Variants in MIDEAS observed in about 807,000 individuals in gnomAD.
MIDEAS encodes mitotic deacetylase-associated SANT domain protein.
In MIDEAS, 26 loss-of-function variants were observed where a neutral mutation model predicts 102.7. The ratio of observed to expected loss-of-function variants is 0.25; its 90% CI spans 0.19 to 0.35. MIDEAS has a LOEUF of 0.35. Ranked by LOEUF, MIDEAS falls within the 10% of genes least tolerant of loss-of-function variation. The probability of loss-of-function intolerance (pLI) is 1.00; values close to 1 mark genes in which losing one functional copy is unlikely to be tolerated. For missense variants in MIDEAS, 1,231 were observed against 1,435.6 expected (o/e 0.86, Z 2.30); for synonymous variants, 585 against 591.0 (o/e 0.99, Z 0.15).
At chr14:73,731,675 G>C (rs117541548) in intron 3 of MIDEAS, among the ~76,000 whole-genome samples, 234 of 152,304 alleles carry the variant, frequency 1.5e-3, no homozygotes, top group Non-Finnish European at 2.8e-3. Context: ...GAGTCCTGAC[G>C]TATTTCAGAT....
At chr14:73,756,852 G>A (rs902310733) in intron 1 of MIDEAS, among the ~76,000 whole-genome samples, 9 of 152,144 alleles carry the variant, frequency 5.9e-5, no homozygotes, top group African/African-American at 1.9e-4. Context: ...AATCACCCAC[G>A]GTGGACTGAC....
At position 73,742,249 on chromosome 14, in the gene MIDEAS, G is replaced by A. The variant is rs897220323; in HGVS notation, c.-247-1994C>T. ...GGGGCTGCGAGCCCCTCCAGTGGGC[G>A]CTCACACACACTCACGCCTCCCTTC... On this transcript the variant is annotated intron_variant, in intron 1 of 12. Transcript: ENST00000423556. The surrounding 1 kb of genome is among the most constrained non-coding windows in gnomAD (Gnocchi z 4.4). Among the ~76,000 whole-genome samples the A allele has an allele frequency of 9.2e-5, 14 of 152,246 alleles. No homozygotes were observed. The East Asian group carries it at 1.7e-3, about 19-fold the overall frequency.
At chr14:73,755,870 C>T (rs2053473491) in intron 1 of MIDEAS, among the ~76,000 whole-genome samples, 1 of 152,206 alleles carries the variant, frequency 6.6e-6, no homozygotes, top group Non-Finnish European at 1.5e-5. Flanking sequence ...CCAGTGGGAA[C>T]TGGTGAAATG....
Position 73,722,830 on chromosome 14 carries a change from C to T in MIDEAS, c.2592G>A (p.Val864=). 6.2e-7 allele frequency: 1 copy of T among 1,614,140 alleles called. No individual in the cohort carries two copies. Among genetic ancestry groups the T allele is most frequent in the South Asian group, 1.1e-5 (1 of 91,084 alleles). The change falls in exon 10 of 13, where the codon GTG becomes GTA. Residue 864 remains valine, a synonymous_variant. Transcript: ENST00000423556. The part of the protein sequence containing the change: ...LVQKLIQTKT[V]AQCVEFYYTY... ...TGTAGTAGAACTCCACGCACTGGGC[C>T]ACGGTCTTGGTCTGGATCTGGTTTG...
chr14:73,739,245 TGTG>T lies in MIDEAS; in HGVS notation c.761_763del (p.Pro254del), dbSNP rs770576106. ...TGCCTGCTGCTGCTGCTGCTGCTGC[TGTG>T]GTTGCTGCTGCTGCTGCTGCTTCTG... On this transcript the variant is annotated inframe_deletion, in exon 2 of 13. Coordinates refer to ENST00000423556, the MANE Select transcript of MIDEAS (RefSeq NM_001367710.1). 1.9e-5 allele frequency: 30 copies of T among 1,611,622 alleles called. No individual in the cohort carries two copies. Among genetic ancestry groups the T allele is most frequent in the South Asian group, 9.9e-5 (9 of 90,976 alleles).
chr14:73,775,561 G>T (rs538316938), intron 1 of MIDEAS, among the ~76,000 whole-genome samples: 1 of 152,036 alleles, frequency 6.6e-6, no homozygotes, highest in Admixed American at 6.6e-5. Flanking sequence ...ATCAGGAATC[G>T]CTTCCAGTCC....
intron 1 of MIDEAS, among the ~76,000 whole-genome samples, chr14:73,749,595 T>C (rs895356436): frequency 6.8e-6 from 1 of 147,740 alleles, no homozygotes; most frequent in Admixed American, 6.8e-5. Flanking sequence ...ATATATAAAA[T>C]ATATATATGT....
chr14:73,775,140 G>T (rs1163318128), intron 1 of MIDEAS, among the ~76,000 whole-genome samples: 1 of 151,980 alleles, frequency 6.6e-6, no homozygotes, highest in East Asian at 1.9e-4. Context: ...CATATAACAA[G>T]GCGAGAGAAG....
At chr14:73,750,230 C>T (rs1320367171) in intron 1 of MIDEAS, among the ~76,000 whole-genome samples, 3 of 152,120 alleles carry the variant, frequency 2.0e-5, no homozygotes, top group African/African-American at 7.2e-5. Flanking sequence ...TGTTACAGAG[C>T]CAGAAGCAAG....
intron 1 of MIDEAS, among the ~76,000 whole-genome samples, chr14:73,769,708 TC>T (rs2053624728): frequency 6.6e-6 from 1 of 152,006 alleles, no homozygotes; most frequent in African/African-American, 2.4e-5. Flanking sequence ...TTCAAGCAAT[TC>T]TTCTGCCTCA....
intron 1 of MIDEAS, among the ~76,000 whole-genome samples, chr14:73,740,914 G>A (rs1350746266): frequency 1.3e-5 from 2 of 152,268 alleles, no homozygotes; most frequent in East Asian, 3.8e-4. Flanking sequence ...GGCTCACCAA[G>A]GCCTGCAGGT....
Position 73,725,945 on chromosome 14 carries a change from G to A in MIDEAS, c.2485+88C>T. 8.5e-7 allele frequency: 1 copy of A among 1,176,824 alleles called. No individual in the cohort carries two copies. Among genetic ancestry groups the A allele is most frequent in the Non-Finnish European group, 1.2e-6 (1 of 808,586 alleles). The allele number at this position is 1,176,824 out of a possible 1,614,324, so 72.9% of individuals were successfully genotyped here. A position where few individuals can be genotyped will look rare whatever the true frequency, so the allele number is the denominator to read the frequency against. On this transcript the variant is annotated intron_variant, in intron 8 of 12. Transcript: ENST00000423556. The surrounding 1 kb of genome is among the most constrained non-coding windows in gnomAD (Gnocchi z 4.1). ...ACCCTCCTCCTCCCGCCCCCACCCA[G>A]GGCTGTGACTCAGCACTGAGCAGGG...
exon 1 of MIDEAS, chr14:73,787,131 G>GGGGTGCGGGGCGCAGGC (rs2053820596): frequency 1.3e-5 from 2 of 149,606 alleles, no homozygotes; most frequent in East Asian, 3.9e-4. Flanking sequence ...GCTGCTCGGA[G>GGGGTGCGGGGCGCAGGC]GGGTGCGGGG....
Position 73,718,859 on chromosome 14 carries a change from G to A in MIDEAS, c.3284C>T (p.Ala1095Val). 7 of 1,496,754 alleles carry A rather than the reference G, an allele frequency of 4.7e-6. No individual in the cohort carries two copies. Among genetic ancestry groups the A allele is most frequent in the Non-Finnish European group, 5.3e-6 (6 of 1,130,220 alleles). The allele number at this position is 1,496,754 out of a possible 1,614,324, so 92.7% of individuals were successfully genotyped here. ...HQQALREESGAGDKG is the reference protein window; with the variant it reads ...HQQALREESGVGDKG ...CTCCCGCGCTCAGCCCTTGTCGCCC[G>A]CACCGCTCTCCTCCCGCAGGGCCTG... Residue 1095 changes from alanine (A) to valine (V), a missense_variant, in exon 13 of 13, where the codon GCG becomes GTG. Transcript: ENST00000423556.
chr14:73,787,106 G>C (rs1260647599), exon 1 of MIDEAS: 1 of 149,882 alleles, frequency 6.7e-6, no homozygotes, highest in Non-Finnish European at 1.5e-5. Flanking sequence ...GCTTACCTGC[G>C]TGCTGGATCC....
upstream of MIDEAS, among the ~76,000 whole-genome samples, chr14:73,762,501 G>A (rs2053562336): frequency 6.6e-6 from 1 of 152,218 alleles, no homozygotes; most frequent in Non-Finnish European, 1.5e-5. Flanking sequence ...CATGTGTGCA[G>A]GGGAGGAGGG....
Position 73,777,067 on chromosome 14 carries a change from CA to C in MIDEAS, c.-248+10034del, listed in dbSNP as rs35173697. Among the ~76,000 whole-genome samples the C allele has an allele frequency of 4.6e-5, 7 of 150,722 alleles. 1 individual carries two copies. The South Asian group carries it at 1.5e-3, about 32-fold the overall frequency. The stretch of plus-strand genomic sequence containing the variant: ...CCTGGGCAACAGAGCAAGACTGTCT[CA>C]AAAAAAATAAATAAATAAATAAATA... On this transcript the variant is annotated intron_variant, in intron 1 of 11. Transcript: ENST00000394071.
chr14:73,773,669 C>T (rs1166397538), intron 1 of MIDEAS, among the ~76,000 whole-genome samples: 1 of 151,922 alleles, frequency 6.6e-6, no homozygotes, highest in Admixed American at 6.6e-5. Flanking sequence ...GTCCCACAGG[C>T]CCATGTGCAT....
At chr14:73,772,794 A>AGTGTGTGTGTGT (rs61402555) in intron 1 of MIDEAS, among the ~76,000 whole-genome samples, 2,240 of 135,690 alleles carry the variant, frequency 0.017, 64 homozygotes, top group African/African-American at 0.048. Context: ...TTCAAGTTCT[A>AGTGTGTGTGTGT]GTGTGTGTGT....
Sources: gnomAD v4.1 joint callset for allele counts (sites outside exome capture counted in the v4.1 genomes callset) on GRCh38, gnomAD v4.1.1 for gene constraint, Gnocchi (gnomAD v3.1) non-coding constraint, MANE v1.5 for transcripts, NCBI Gene and HGNC (gene_info 2026-07-23, HGNC 2026-07-21) for gene names.